Variants in PHACTR3 observed in about 807,000 individuals in gnomAD.
The protein encoded by PHACTR3 is protein phosphatase 1, regulatory subunit 123.
PHACTR3 carries 16 observed loss-of-function variants against 66.8 expected under a neutral mutation model. That is an observed-to-expected ratio of 0.24 (90% CI 0.16 to 0.36). The LOEUF (loss-of-function observed/expected upper bound fraction) is 0.36. PHACTR3 is among the 10% of genes least tolerant of loss of function. PHACTR3 has a pLI of 1.00. For synonymous variants in PHACTR3, 323 were observed against 292.1 expected, an observed-to-expected ratio of 1.11 and a Z score of -1.08; for missense variants, 647 against 719.9, an observed-to-expected ratio of 0.90 and a Z score of 1.16.
chr20:59,696,882 G>C (rs1245382652), intron 1 of PHACTR3, among the ~76,000 whole-genome samples: 1 of 152,188 alleles, frequency 6.6e-6, no homozygotes, highest in Non-Finnish European at 1.5e-5. Context: ...CTGGGACTTT[G>C]AGACAGTCCA....
intron 1 of PHACTR3, among the ~76,000 whole-genome samples, chr20:59,640,235 A>G (rs2035055824): frequency 1.3e-5 from 2 of 152,232 alleles, no homozygotes; most frequent in South Asian, 4.1e-4. Context: ...AGCTCACCAC[A>G]TGGACTCAGG....
intron 2 of PHACTR3, among the ~76,000 whole-genome samples, chr20:59,744,593 G>A (rs555820980): frequency 3.9e-5 from 6 of 152,320 alleles, no homozygotes; most frequent in African/African-American, 7.2e-5. Context: ...GTGTTACAGC[G>A]CCCAGGCCCA....
At chr20:59,761,272 C>G (rs1018436792) in intron 4 of PHACTR3, among the ~76,000 whole-genome samples, 6 of 152,088 alleles carry the variant, frequency 3.9e-5, no homozygotes, top group Non-Finnish European at 8.8e-5. Context: ...CTGCCCTTAA[C>G]CACTGCCTGG....
At chr20:59,722,146 G>A (rs1424433606) in intron 1 of PHACTR3, among the ~76,000 whole-genome samples, 2 of 152,070 alleles carry the variant, frequency 1.3e-5, no homozygotes, top group Non-Finnish European at 2.9e-5. Flanking sequence ...GCAGGAGAAT[G>A]GTGTGAACCT....
At chr20:59,651,407 T>G (rs74474735) in intron 1 of PHACTR3, among the ~76,000 whole-genome samples, 3,777 of 152,306 alleles carry the variant, frequency 0.025, 63 homozygotes, top group Middle Eastern at 0.058. Flanking sequence ...ATATAAAATA[T>G]AAAAATAGAA....
intron 1 of PHACTR3, among the ~76,000 whole-genome samples, chr20:59,719,365 A>G (rs906770246): frequency 6.6e-6 from 1 of 152,108 alleles, no homozygotes; most frequent in Non-Finnish European, 1.5e-5. Context: ...GGGTTTTACC[A>G]TCTTGGCCAG....
intron 1 of PHACTR3, among the ~76,000 whole-genome samples, chr20:59,637,692 G>A (rs78916523): frequency 2.4e-5 from 2 of 83,096 alleles, no homozygotes; most frequent in African/African-American, 5.6e-5. Context: ...AAGACACAAA[G>A]CATTAAAAAA....
At chr20:59,700,805 T>A (rs1165183461) in intron 1 of PHACTR3, among the ~76,000 whole-genome samples, 1 of 152,094 alleles carries the variant, frequency 6.6e-6, no homozygotes, top group Non-Finnish European at 1.5e-5. Context: ...TTGTTTTTGT[T>A]TTGAGACAGG....
chr20:59,759,190 A>G (rs1042902931), intron 4 of PHACTR3, among the ~76,000 whole-genome samples: 5 of 152,152 alleles, frequency 3.3e-5, no homozygotes, highest in African/African-American at 1.2e-4. Flanking sequence ...CCGAGGCCTC[A>G]TCCAGCCCTG....
At chr20:59,614,894 C>T (rs1453429437) in intron 1 of PHACTR3, among the ~76,000 whole-genome samples, 2 of 152,086 alleles carry the variant, frequency 1.3e-5, no homozygotes, top group Non-Finnish European at 2.9e-5. Context: ...GGTGACTCTG[C>T]GTTTCTTGAG....
At chr20:59,579,616 C>T (rs2032805561) in intron 1 of PHACTR3, among the ~76,000 whole-genome samples, 3 of 152,310 alleles carry the variant, frequency 2.0e-5, no homozygotes, top group Admixed American at 6.5e-5. Context: ...AGGCCAATGG[C>T]AGGTTCTAGG....
At chr20:59,605,528 C>T (rs892987614) in intron 1 of PHACTR3, among the ~76,000 whole-genome samples, 8 of 152,228 alleles carry the variant, frequency 5.3e-5, no homozygotes, top group Non-Finnish European at 7.3e-5. Flanking sequence ...CGGACGTCCC[C>T]GCTTGGGCAT....
chr20:59,652,099 A>G (rs1017071080), intron 1 of PHACTR3, among the ~76,000 whole-genome samples: 5 of 152,140 alleles, frequency 3.3e-5, no homozygotes, highest in East Asian at 1.9e-4. Context: ...GAAGGTCCCT[A>G]TGCTAGCTCA....
In PHACTR3 at chr20:59,630,308, G is replaced by A. The variant is rs192211188; in HGVS notation, c.118+25176G>A. ...AGTGATTCTCCTGCCTCAGCCTCCCGAGTAGCTGGGATTACAGGTGCCCAC... is the reference window on the plus strand; with the variant it reads ...AGTGATTCTCCTGCCTCAGCCTCCCAAGTAGCTGGGATTACAGGTGCCCAC... On this transcript the variant is annotated intron_variant, in intron 1 of 12. Coordinates refer to ENST00000371015, the MANE Select transcript of PHACTR3 (RefSeq NM_080672.5). Among the ~76,000 whole-genome samples the A allele has an allele frequency of 2.7e-3, 411 of 151,930 alleles. 5 individuals carry two copies. Among genetic ancestry groups the A allele is most frequent in the African/African-American group, 9.4e-3 (390 of 41,414 alleles).
chr20:59,666,934 T>G (rs2062052168), intron 1 of PHACTR3, among the ~76,000 whole-genome samples: 1 of 152,238 alleles, frequency 6.6e-6, no homozygotes, highest in Admixed American at 6.5e-5. Context: ...CACATGAAAC[T>G]GCAGCACTTC....
upstream of PHACTR3, among the ~76,000 whole-genome samples, chr20:59,599,739 C>T (rs534019602): frequency 2.6e-4 from 40 of 152,332 alleles, no homozygotes; most frequent in African/African-American, 8.7e-4. Context: ...TGACTTCTCT[C>T]TCTAGTCCCC....
chr20:59,661,333 C>T (rs1381366591), intron 1 of PHACTR3, among the ~76,000 whole-genome samples: 1 of 152,118 alleles, frequency 6.6e-6, no homozygotes, highest in Non-Finnish European at 1.5e-5. Flanking sequence ...TATGGACCAA[C>T]GACAGGCCCA....
chr20:59,591,594 T>C (rs941974525), intron 1 of PHACTR3, among the ~76,000 whole-genome samples: 3 of 152,090 alleles, frequency 2.0e-5, no homozygotes, highest in African/African-American at 7.2e-5. Flanking sequence ...CTTTAGGGGA[T>C]TCTGCCTTCT....
intron 1 of PHACTR3, among the ~76,000 whole-genome samples, chr20:59,717,677 A>AT (rs565200089): frequency 1.1e-3 from 167 of 152,216 alleles, no homozygotes; most frequent in African/African-American, 3.8e-3. Context: ...ACCATGATAT[A>AT]TAGATCTGTT....
Sources: gnomAD v4.1 joint callset for allele counts (sites outside exome capture counted in the v4.1 genomes callset) on GRCh38, gnomAD v4.1.1 for gene constraint, MANE v1.5 for transcripts, NCBI Gene and HGNC (gene_info 2026-07-23, HGNC 2026-07-21) for gene names.